The following HSPBAP1 variants were observed in gnomAD, a reference collection of about 807,000 sequenced individuals.
The protein encoded by HSPBAP1 is HSPB1 associated protein 1.
In HSPBAP1, 27 loss-of-function variants were observed where a neutral mutation model predicts 45.2. The ratio of observed to expected loss-of-function variants is 0.60; its 90% CI spans 0.44 to 0.82. The LOEUF is 0.82. Among genes scored for constraint, HSPBAP1 ranks in the 40% least tolerant of loss-of-function variants. HSPBAP1 has a pLI of 0.00. For missense variants in HSPBAP1, 510 were observed against 590.9 expected (o/e 0.86, Z 1.42); for synonymous variants, 204 against 202.7 (o/e 1.01, Z -0.06).
intron 1 of HSPBAP1, 99 bp downstream of exon 1, chr3:122,793,518 C>A: frequency 6.1e-6 from 6 of 977,708 alleles, no homozygotes; most frequent in Non-Finnish European, 6.5e-6. Context: ...GCCAGAGAGA[C>A]CTGGGTTGGG....
intron 1 of HSPBAP1, 90 bp from the exon 2 acceptor site, chr3:122,777,996 C>A: frequency 1.3e-6 from 1 of 794,084 alleles, no homozygotes; most frequent in East Asian, 2.7e-5. Context: ...TTGTTTTTAT[C>A]ATGGCAAATC....
chr3:122,741,426 TA>T, intron 6 of HSPBAP1: 2 of 289,116 alleles, frequency 6.9e-6, no homozygotes, highest in South Asian at 4.8e-5. Flanking sequence ...GTTTTTTTTT[TA>T]AAGTACCACA....
intron 5 of HSPBAP1, chr3:122,754,901 C>G (rs182071557): frequency 2.4e-4 from 245 of 1,002,452 alleles, no homozygotes; most frequent in Non-Finnish European, 2.9e-4. Context: ...CATAATTGAA[C>G]AGATACTAAC....
chr3:122,783,489 A>G (rs1268184731), intron 1 of HSPBAP1, among the ~76,000 whole-genome samples: 1 of 152,220 alleles, frequency 6.6e-6, no homozygotes, highest in African/African-American at 2.4e-5. Context: ...CTACCCTCTT[A>G]AAGTCTCTAG....
At position 122,755,135 on chromosome 3, in the gene HSPBAP1, G is replaced by C. The variant is rs113248358; in HGVS notation, c.741+125C>G. 60 of 1,202,120 alleles carry C rather than the reference G, an allele frequency of 5.0e-5. 2 individuals carry two copies. Among genetic ancestry groups the C allele is most frequent in the African/African-American group, 4.2e-4 (27 of 63,610 alleles). 74.5% of individuals were successfully genotyped at this position (1,202,120 alleles called of 1,614,324 possible). On this transcript the variant is annotated intron_variant, in intron 5 of 7. Transcript: ENST00000306103. ...GGGGAAGCTACCTTCCAACAGCAGA[G>C]CAGAGGGAAGGAAGCCATTCTCATT...
intron 1 of HSPBAP1, among the ~76,000 whole-genome samples, chr3:122,790,836 CA>C (rs903037337): frequency 1.6e-4 from 24 of 152,164 alleles, no homozygotes; most frequent in African/African-American, 5.1e-4. Context: ...AAAAATAAAC[CA>C]AAAATTTTAA....
intron 1 of HSPBAP1, among the ~76,000 whole-genome samples, chr3:122,789,725 A>T (rs185050957): frequency 6.6e-6 from 1 of 152,326 alleles, no homozygotes; most frequent in Non-Finnish European, 1.5e-5. Flanking sequence ...CTGTAGAATG[A>T]GCTATCAAGC....
intron 2 of HSPBAP1, among the ~76,000 whole-genome samples, chr3:122,770,807 T>C (rs1193318484): frequency 6.6e-6 from 1 of 152,264 alleles, no homozygotes; most frequent in East Asian, 1.9e-4. Context: ...CAAAAGTGCA[T>C]GTGGCAAGAA....
At chr3:122,784,386 TAC>T (rs1368646183) in intron 1 of HSPBAP1, among the ~76,000 whole-genome samples, 1 of 152,084 alleles carries the variant, frequency 6.6e-6, no homozygotes, top group African/African-American at 2.4e-5. Context: ...AGCATACACA[TAC>T]ACACACACAA....
intron 3 of HSPBAP1, among the ~76,000 whole-genome samples, chr3:122,762,400 C>T (rs1934624683): frequency 6.6e-6 from 1 of 151,980 alleles, no homozygotes; most frequent in African/African-American, 2.4e-5. Context: ...ACAGTCTACA[C>T]AGAACCTGTA....
chr3:122,783,666 A>G (rs1414204117), intron 1 of HSPBAP1, among the ~76,000 whole-genome samples: 1 of 152,242 alleles, frequency 6.6e-6, no homozygotes, highest in Non-Finnish European at 1.5e-5. Flanking sequence ...TTTAGAAAAC[A>G]TGACAAGACA....
At chr3:122,772,429 C>T (rs1418576856) in intron 2 of HSPBAP1, among the ~76,000 whole-genome samples, 1 of 152,088 alleles carries the variant, frequency 6.6e-6, no homozygotes, top group Admixed American at 6.5e-5. Context: ...AACTGTTTTA[C>T]TGGCCCCCAA....
In HSPBAP1 at chr3:122,768,746, A is replaced by G. The variant is rs1483485637; in HGVS notation, c.387T>C (p.Tyr129=). 1.9e-6 allele frequency: 3 copies of G among 1,612,378 alleles called. No individual in the cohort carries two copies. Among genetic ancestry groups the G allele is most frequent in the Admixed American group, 1.7e-5 (1 of 60,014 alleles). The change falls in exon 3 of 8, where the codon TAT becomes TAC. Residue 129 remains tyrosine, a synonymous_variant. Transcript: ENST00000306103. ...CTTCAAATAGACTGACAAAATATTT[A>G]TAGTCAGCATAAGCCCAGAACTTGG... The part of the protein sequence containing the change: ...DHSKFWAYAD[Y]KYFVSLFEDK...
At chr3:122,741,375 G>C in intron 6 of HSPBAP1, 1 of 391,030 alleles carries the variant, frequency 2.6e-6, no homozygotes, top group Admixed American at 4.0e-5. Flanking sequence ...ATCACCTTAT[G>C]ATATTTTCTC....
chr3:122,744,898 C>A (rs1933791458), intron 6 of HSPBAP1, among the ~76,000 whole-genome samples: 2 of 151,976 alleles, frequency 1.3e-5, no homozygotes. Flanking sequence ...ATTAGGCAAT[C>A]AATTGATATA....
chr3:122,777,810 G>A lies in HSPBAP1; in HGVS notation c.161C>T (p.Pro54Leu). Residue 54 changes from proline (P) to leucine (L), a missense_variant, in exon 2 of 8, where the codon CCA becomes CTA. By Grantham distance (98) the Pro-to-Leu change is moderately conservative. Coordinates refer to ENST00000306103, the MANE Select transcript of HSPBAP1 (RefSeq NM_024610.6). ...GTATTTAGCATTCCAGTGTCGTGCT[G>A]GCCAATCAAACACCATGTTACAGAA... ...AIFCNMVFDW[P>L]ARHWNAKYLS... The A allele has an allele frequency of 6.2e-7, 1 of 1,613,706 alleles. No homozygotes were observed. Among genetic ancestry groups the A allele is most frequent in the Non-Finnish European group, 8.5e-7 (1 of 1,179,722 alleles).
Position 122,740,482 on chromosome 3 carries a change from T to C in HSPBAP1, c.1330A>G (p.Ile444Val), listed in dbSNP as rs754952490. The change falls in exon 8 of 8, where the codon ATT becomes GTT. Residue 444 changes from isoleucine (I) to valine (V), a missense_variant. By Grantham distance (29) the Ile-to-Val change is conservative. Transcript: ENST00000306103. Reference protein sequence around the residue: ...QQIMSNSENAIEEQIASNTTT... With the variant: ...QQIMSNSENAVEEQIASNTTT... The stretch of plus-strand genomic sequence containing the variant: ...GTATTTGAGGCAATCTGTTCCTCAA[T>C]TGCATTTTCACTGTTGCTCATTATT... 1.8e-5 allele frequency: 29 copies of C among 1,614,076 alleles called. No homozygotes were observed. In the Admixed American group the frequency reaches 2.7e-4, roughly 15 times the overall value.
intron 1 of HSPBAP1, among the ~76,000 whole-genome samples, chr3:122,785,236 A>G (rs956169906): frequency 1.3e-5 from 2 of 152,218 alleles, no homozygotes; most frequent in Admixed American, 1.3e-4. Context: ...GTGTATGTGC[A>G]CGTGCACTCA....
chr3:122,774,404 A>C (rs113356609), intron 2 of HSPBAP1, among the ~76,000 whole-genome samples: 6 of 152,184 alleles, frequency 3.9e-5, no homozygotes, highest in Non-Finnish European at 8.8e-5. Flanking sequence ...GGAACTACAT[A>C]CACATGCAAA....
Sources: gnomAD v4.1 joint callset for allele counts (sites outside exome capture counted in the v4.1 genomes callset) on GRCh38, gnomAD v4.1.1 for gene constraint, MANE v1.5 for transcripts, NCBI Gene and HGNC (gene_info 2026-07-23, HGNC 2026-07-21) for gene names.